Variants in FSTL5 observed in about 807,000 individuals in gnomAD.
The protein encoded by FSTL5 is follistatin like 5, also known as follistatin-related protein 5.
Under a neutral mutation model 89.1 loss-of-function variants are expected in FSTL5, and 62 were observed. The ratio of observed to expected loss-of-function variants is 0.70; its 90% CI spans 0.57 to 0.86. The LOEUF (loss-of-function observed/expected upper bound fraction) is 0.86. FSTL5 is among the 40% of genes least tolerant of loss of function. The pLI is 0.00. For synonymous variants in FSTL5, 383 were observed against 346.2 expected (o/e 1.11, Z -1.18); for missense variants, 1,057 against 1,001.6 (o/e 1.06, Z -0.75).
At chr4:162,058,487 C>CATG (rs1738625249) in intron 2 of FSTL5, among the ~76,000 whole-genome samples, 1 of 137,848 alleles carries the variant, frequency 7.3e-6, no homozygotes, top group Non-Finnish European at 1.5e-5. Flanking sequence ...AGTGCAGAGG[C>CATG]ATGATCTCAG....
At chr4:161,960,366 A>T (rs945139118) in intron 3 of FSTL5, among the ~76,000 whole-genome samples, 3 of 151,400 alleles carry the variant, frequency 2.0e-5, no homozygotes, top group African/African-American at 7.3e-5. Context: ...AGTAGAGATG[A>T]GGCTTCACCA....
chr4:161,504,523 G>T (rs919404266), intron 11 of FSTL5, among the ~76,000 whole-genome samples: 1 of 151,448 alleles, frequency 6.6e-6, no homozygotes. Flanking sequence ...AGGCAAAAGC[G>T]CTTAGTCTTT....
intron 6 of FSTL5, among the ~76,000 whole-genome samples, chr4:161,742,538 G>A (rs375154585): frequency 2.0e-4 from 31 of 152,084 alleles, no homozygotes; most frequent in Admixed American, 1.5e-3. Flanking sequence ...GTAATGTAAC[G>A]CTCTCAGTTA....
intron 12 of FSTL5, among the ~76,000 whole-genome samples, chr4:161,487,405 A>C (rs560928476): frequency 2.0e-5 from 3 of 152,306 alleles, no homozygotes; most frequent in African/African-American, 7.2e-5. Flanking sequence ...ATTTGCTACC[A>C]AGCTGAGGAT....
chr4:161,838,257 C>A (rs1731105516), intron 4 of FSTL5, among the ~76,000 whole-genome samples: 4 of 152,052 alleles, frequency 2.6e-5, no homozygotes. Context: ...ACCTCTTTAC[C>A]TTTATGTATT....
intron 1 of FSTL5, among the ~76,000 whole-genome samples, chr4:162,149,895 G>C (rs1733159491): frequency 6.6e-6 from 1 of 152,078 alleles, no homozygotes. Context: ...GCCTGAAATA[G>C]AAGTTTCACT....
intron 4 of FSTL5, among the ~76,000 whole-genome samples, chr4:161,783,675 T>TTCTC (rs367611740): frequency 1.1e-4 from 1 of 9,488 alleles, no homozygotes; most frequent in African/African-American, 3.1e-4. Flanking sequence ...CTTTCTTTCT[T>TTCTC]TCTCTTTCTT....
At chr4:161,677,002 T>C (rs1737328308) in intron 6 of FSTL5, among the ~76,000 whole-genome samples, 1 of 152,044 alleles carries the variant, frequency 6.6e-6, no homozygotes, top group Non-Finnish European at 1.5e-5. Context: ...AATAACAATA[T>C]ATTTTTACTG....
Position 161,473,770 on chromosome 4 carries a change from T to C in FSTL5, c.1608+7250A>G, listed in dbSNP as rs938801047. Among the ~76,000 whole-genome samples, 6 of 152,298 alleles carry C rather than the reference T, an allele frequency of 3.9e-5. No individual in the cohort carries two copies. In the South Asian group the frequency reaches 1.2e-3, roughly 32 times the overall value. ...AAGTCTATGGAGACATATATTAGTA[T>C]AGTTACCTCTCCGTTTTGGTTACTC... On this transcript the variant is annotated intron_variant, in intron 13 of 15. Coordinates refer to ENST00000306100, the MANE Select transcript of FSTL5 (RefSeq NM_020116.5).
chr4:161,718,660 C>A (rs1739087245), intron 6 of FSTL5, among the ~76,000 whole-genome samples: 1 of 152,100 alleles, frequency 6.6e-6, no homozygotes, highest in Admixed American at 6.6e-5. Context: ...CATCTCCTGA[C>A]CTCGTGGCCC....
intron 4 of FSTL5, among the ~76,000 whole-genome samples, chr4:161,796,177 T>C (rs1292150761): frequency 6.6e-6 from 1 of 151,996 alleles, no homozygotes; most frequent in Admixed American, 6.6e-5. Context: ...GAATATGCTA[T>C]AGAACTCTAT....
intron 4 of FSTL5, among the ~76,000 whole-genome samples, chr4:161,860,817 G>A (rs1731886601): frequency 6.6e-6 from 1 of 152,064 alleles, no homozygotes; most frequent in East Asian, 1.9e-4. Context: ...GGTGTACCCT[G>A]TAATACAAGT....
At chr4:161,705,954 A>AGATG (rs1560800183) in intron 6 of FSTL5, among the ~76,000 whole-genome samples, 13 of 27,334 alleles carry the variant, frequency 4.8e-4, no homozygotes, top group African/African-American at 2.5e-3. Flanking sequence ...AGATGTGTGT[A>AGATG]TATATATATA....
chr4:161,771,292 A>C (rs978141508), intron 5 of FSTL5, among the ~76,000 whole-genome samples: 5 of 152,102 alleles, frequency 3.3e-5, no homozygotes, highest in Non-Finnish European at 5.9e-5. Flanking sequence ...TGTACGTATA[A>C]GTAACAAGTA....
chr4:161,841,850 G>C (rs1323663446), intron 4 of FSTL5, among the ~76,000 whole-genome samples: 1 of 152,018 alleles, frequency 6.6e-6, no homozygotes, highest in African/African-American at 2.4e-5. Flanking sequence ...TGTTGATGAG[G>C]CTTTGGCATC....
chr4:162,131,082 TGTG>T (rs1212241968), intron 1 of FSTL5, among the ~76,000 whole-genome samples: 1 of 152,170 alleles, frequency 6.6e-6, no homozygotes, highest in Non-Finnish European at 1.5e-5. Flanking sequence ...TCATTGCAAA[TGTG>T]GTGGTCCAAT....
In FSTL5 at chr4:161,896,403, T is replaced by C. The variant is rs987704856; in HGVS notation, c.409+24001A>G. ...TCATACTTTCCTTAATTTACCTACA[T>C]CAATGTATTAATACTTTAGATGAAA... On this transcript the variant is annotated intron_variant, in intron 4 of 15. Coordinates refer to ENST00000306100, the MANE Select transcript of FSTL5 (RefSeq NM_020116.5). 2.6e-4 allele frequency among the ~76,000 whole-genome samples: 39 copies of C among 152,122 alleles called. 1 individual carries two copies. Among genetic ancestry groups the C allele is most frequent in the African/African-American group, 9.2e-4 (38 of 41,426 alleles).
At chr4:161,585,856 A>G (rs114317679) in intron 8 of FSTL5, among the ~76,000 whole-genome samples, 2,493 of 152,246 alleles carry the variant, frequency 0.016, 68 homozygotes, top group South Asian at 0.13. Context: ...TTTATATATG[A>G]AAGTCCATCT....
intron 8 of FSTL5, among the ~76,000 whole-genome samples, chr4:161,553,123 TA>T (rs1471461262): frequency 6.6e-6 from 1 of 151,732 alleles, no homozygotes; most frequent in Non-Finnish European, 1.5e-5. Context: ...GATCAGCTTC[TA>T]TACACTAAAT....
Sources: gnomAD v4.1 joint callset for allele counts (sites outside exome capture counted in the v4.1 genomes callset) on GRCh38, gnomAD v4.1.1 for gene constraint, MANE v1.5 for transcripts, NCBI Gene and HGNC (gene_info 2026-07-23, HGNC 2026-07-21) for gene names.